The following PDE4A variants were observed in gnomAD, a reference collection of about 807,000 sequenced individuals.
The protein encoded by PDE4A is phosphodiesterase 4A.
In PDE4A, 21 loss-of-function variants were observed where a neutral mutation model predicts 73.9. That is an observed-to-expected ratio of 0.28 (90% CI 0.20 to 0.41). The LOEUF is 0.41. PDE4A is among the 10% of genes least tolerant of loss of function. The pLI, the probability that PDE4A is intolerant of heterozygous loss-of-function variation, is 1.00. For synonymous variants in PDE4A, 463 were observed against 505.4 expected (o/e 0.92, Z 1.13); for missense variants, 958 against 1,211.4 (o/e 0.79, Z 3.10).
intron 1 of PDE4A, among the ~76,000 whole-genome samples, chr19:10,439,011 C>T (rs952742157): frequency 9.9e-5 from 15 of 152,178 alleles, no homozygotes; most frequent in African/African-American, 3.1e-4. Context: ...TTGATGGACA[C>T]GTCAGTCACT....
intron 10 of PDE4A, 134 bp downstream of exon 10, chr19:10,459,893 CTTTTT>C: frequency 9.1e-7 from 1 of 1,095,358 alleles, no homozygotes; most frequent in Non-Finnish European, 1.3e-6. Flanking sequence ...TTTTTTTTTT[CTTTTT>C]GAGACGGAGT....
chr19:10,416,933 G>A, upstream of PDE4A: 3 of 1,541,380 alleles, frequency 1.9e-6, no homozygotes, highest in Non-Finnish European at 2.6e-6. Flanking sequence ...CGGCGCGCTA[G>A]GTTGGCGAGA....
chr19:10,432,624 CTG>C, intron 1 of PDE4A: 1 of 1,470,298 alleles, frequency 6.8e-7, no homozygotes, highest in South Asian at 1.3e-5. Context: ...AGGGCACTGG[CTG>C]TGCTGGGGGG....
chr19:10,467,252 G>A lies in PDE4A; in HGVS notation c.2292G>A (p.Met764Ile). 6.2e-7 allele frequency: 1 copy of A among 1,614,196 alleles called. No homozygotes were observed. The highest frequency in any genetic ancestry group is 8.5e-7 in the Non-Finnish European group (1 of 1,180,024). Residue 764 changes from methionine to isoleucine, a missense_variant, in exon 15 of 15, where the codon ATG (methionine) becomes ATA (isoleucine). Met to Ile is a conservative substitution (Grantham distance 10, BLOSUM62 1). This residue lies in a region of PDE4A where 243 missense variants were observed against 245.9 expected (regional missense o/e 0.99). Transcript: ENST00000380702. The stretch of plus-strand genomic sequence containing the variant: ...CGGCCCAGGAGTCGTTGGAAGTTAT[G>A]GCACAGGAAGCATCCCTGGAGGCCG... ...ASPAQESLEV[M>I]AQEASLEAEL...
rs200034640 is a variant in PDE4A, at chr19:10,467,547, G to A, written c.2587G>A (p.Ala863Thr). 28 of 1,611,466 alleles carry A rather than the reference G, an allele frequency of 1.7e-5. No homozygotes were observed. The East Asian group carries it at 3.1e-4, about 18-fold the overall frequency. The change falls in exon 15 of 15, where the codon GCA (alanine) becomes ACA (threonine). Residue 863 changes from alanine (A) to threonine (T), a missense_variant. Coordinates refer to ENST00000380702, the MANE Select transcript of PDE4A (RefSeq NM_001111307.2). ...QAAKRACSAC[A>T]GTFGEDTSAL... ...TGCCAAGAGGGCTTGCAGTGCCTGCGCAGGGACATTTGGGGAGGACACATC... is the reference window on the plus strand; with the variant it reads ...TGCCAAGAGGGCTTGCAGTGCCTGCACAGGGACATTTGGGGAGGACACATC...
At position 10,449,165 on chromosome 19, in the gene PDE4A, G is replaced by C; in HGVS notation, c.620+15G>C. 6.2e-7 allele frequency: 1 copy of C among 1,612,102 alleles called. No individual in the cohort carries two copies. The highest frequency in any genetic ancestry group is 8.5e-7 in the Non-Finnish European group (1 of 1,179,256). On this transcript the variant is annotated intron_variant, in intron 4 of 14. Transcript: ENST00000380702. ...CCCAGTAACAAGTAAGTGAAGGCTG[G>C]GCTGCAACAGCTGTGATCATAAGGT...
intron 7 of PDE4A, 134 bp downstream of exon 7, chr19:10,455,056 C>G: frequency 1.2e-6 from 1 of 810,596 alleles, no homozygotes; most frequent in South Asian, 1.6e-5. Flanking sequence ...TCACAGTCAC[C>G]CTATCCAGGA....
chr19:10,435,763 G>A (rs1325022214), intron 1 of PDE4A, among the ~76,000 whole-genome samples: 4 of 152,102 alleles, frequency 2.6e-5, no homozygotes, highest in African/African-American at 7.2e-5. Context: ...GTGGCCTCTG[G>A]CCTAACTTTG....
chr19:10,463,939 G>T lies in PDE4A; in HGVS notation c.1890G>T (p.Met630Ile), dbSNP rs1340115666. ...AGCGTGGCATGGAAATCAGCCCCATGTGTGACAAGCACACTGCCTCCGTGG... is the reference window on the plus strand; with the variant it reads ...AGCGTGGCATGGAAATCAGCCCCATTTGTGACAAGCACACTGCCTCCGTGG... ...ERERGMEISP[M>I]CDKHTASVEK... Residue 630 changes from methionine to isoleucine, a missense_variant, in exon 14 of 15, where the codon ATG becomes ATT. Met to Ile is a conservative substitution (Grantham distance 10). Around this residue, in one of 3 missense-constraint regions of PDE4A, gnomAD observed 570 missense variants for 827.7 expected, o/e 0.69. Coordinates refer to ENST00000380702, the MANE Select transcript of PDE4A (RefSeq NM_001111307.2). 17 of 1,614,134 alleles carry T rather than the reference G, an allele frequency of 1.1e-5. No individual in the cohort carries two copies. Among genetic ancestry groups the T allele is most frequent in the Non-Finnish European group, 1.4e-5 (16 of 1,180,012 alleles).
chr19:10,430,978 C>T, intron 1 of PDE4A: 3 of 1,556,174 alleles, frequency 1.9e-6, no homozygotes, highest in East Asian at 2.4e-5. Context: ...CCGCGTTCGC[C>T]GCCCTCCTCG....
chr19:10,463,380 G>A (rs866367509), intron 13 of PDE4A, among the ~76,000 whole-genome samples: 1 of 147,578 alleles, frequency 6.8e-6, no homozygotes. Flanking sequence ...GTGAGCCACC[G>A]CGCCCAGCCC....
Position 10,420,581 on chromosome 19 carries a change from A to C in PDE4A, c.-184A>C. The stretch of plus-strand genomic sequence containing the variant: ...AGCAGAGCTCCAGGCGCCGAAAGGA[A>C]GCTGCAGAGCCCGGCCCGGGGGCGA... On this transcript the variant is annotated 5_prime_UTR_variant, in exon 1 of 15. Coordinates refer to ENST00000380702, the MANE Select transcript of PDE4A (RefSeq NM_001111307.2). The surrounding 1 kb of genome is among the most constrained non-coding windows in gnomAD (Gnocchi z 6.0). The C allele has an allele frequency of 7.9e-7, 1 of 1,259,486 alleles. No homozygotes were observed. The highest frequency in any genetic ancestry group is 1.0e-6 in the Non-Finnish European group (1 of 1,004,952). 78.0% of individuals were successfully genotyped at this position (1,259,486 alleles called of 1,614,324 possible).
chr19:10,416,808 G>C (rs1257724973), upstream of PDE4A: 42 of 1,519,562 alleles, frequency 2.8e-5, no homozygotes, highest in Non-Finnish European at 3.3e-5. Context: ...GCAAGTGGCG[G>C]GGGCGGGTTC....
At chr19:10,459,312 T>C in intron 8 of PDE4A, 88 bp from the exon 9 acceptor site, 1 of 1,594,558 alleles carries the variant, frequency 6.3e-7, no homozygotes, top group Non-Finnish European at 8.5e-7. Flanking sequence ...TGGTGCTTCC[T>C]TCAGACCAAG....
upstream of PDE4A, chr19:10,418,001 G>A (rs1256104988): frequency 1.1e-5 from 11 of 1,000,626 alleles, no homozygotes; most frequent in African/African-American, 1.6e-5. Context: ...GTCCTGTGGC[G>A]GGCTGTGACA....
At chr19:10,449,049 C>CT in intron 3 of PDE4A, 31 bp from the exon 4 acceptor site, 1 of 1,612,438 alleles carries the variant, frequency 6.2e-7, no homozygotes, top group South Asian at 1.1e-5. Context: ...TCTAGGGGAA[C>CT]CCCACTCCTC....
rs1293903450 is a variant in PDE4A at position 10,458,882 on chromosome 19, G to A, written c.1102-518G>A. On this transcript the variant is annotated intron_variant, in intron 8 of 14. Transcript: ENST00000380702. This position sits in a 1 kb window ranked among gnomAD's most constrained non-coding sequence, Gnocchi z 4.6. ...GATCCACCCGCCTTAGCCTCACAAAGTGCTGGGATTGCAGGCGTGAGCCAC... is the reference window on the plus strand; with the variant it reads ...GATCCACCCGCCTTAGCCTCACAAAATGCTGGGATTGCAGGCGTGAGCCAC... 1.3e-5 allele frequency: 2 copies of A among 157,394 alleles called. No individual in the cohort carries two copies. Among genetic ancestry groups the A allele is most frequent in the African/African-American group, 4.8e-5 (2 of 41,536 alleles). 9.7% of individuals were successfully genotyped at this position (157,394 alleles called of 1,614,324 possible).
intron 13 of PDE4A, among the ~76,000 whole-genome samples, chr19:10,462,379 C>G (rs887219195): frequency 6.6e-6 from 1 of 152,026 alleles, no homozygotes; most frequent in Non-Finnish European, 1.5e-5. Context: ...CTCGAACTCC[C>G]GACCTCAGGT....
In PDE4A at chr19:10,448,890, C is replaced by T. The variant is rs2043050462; in HGVS notation, c.513-27C>T. ...CAGACAGTTGCTTCTCTGCGGACCC[C>T]TGACCTGCCTCTGTCCTCAATCACA... On this transcript the variant is annotated intron_variant, in intron 2 of 14. Transcript: ENST00000380702. 1.9e-6 allele frequency: 3 copies of T among 1,613,708 alleles called. No homozygotes were observed. The Middle Eastern group carries it at 5.0e-4, about 268-fold the overall frequency.
Sources: allele counts gnomAD v4.1 joint callset (sites outside exome capture counted in the v4.1 genomes callset), GRCh38; gene constraint gnomAD v4.1.1; regional missense constraint gnomAD v4.1.1; non-coding constraint Gnocchi (gnomAD v3.1); transcripts MANE v1.5; gene names NCBI Gene and HGNC (gene_info 2026-07-23, HGNC 2026-07-21).